Variants in MTG2 observed in about 807,000 individuals in gnomAD.
MTG2 encodes mitochondrial ribosome associated GTPase 2.
A neutral mutation model predicts 28.6 loss-of-function variants in MTG2; 23 were observed. The ratio of observed to expected loss-of-function variants is 0.80; its 90% CI spans 0.58 to 1.14. The LOEUF is 1.14. Ranked by LOEUF, MTG2 falls within the 50% of genes most tolerant of loss-of-function variation. The probability of loss-of-function intolerance (pLI) is 0.00; values close to 1 mark genes in which losing one functional copy is unlikely to be tolerated. For synonymous variants in MTG2, 260 were observed against 251.8 expected, an observed-to-expected ratio of 1.03 and a Z score of -0.31; for missense variants, 539 against 552.0, an observed-to-expected ratio of 0.98 and a Z score of 0.24.
chr20:62,190,376 A>C (rs2057933499), intron 1 of MTG2, among the ~76,000 whole-genome samples: 1 of 152,234 alleles, frequency 6.6e-6, no homozygotes, highest in Admixed American at 6.5e-5. Context: ...CCTAAGAGGA[A>C]AACAATAGTA....
chr20:62,197,564 G>GC (rs1400999547), intron 3 of MTG2: 4 of 333,846 alleles, frequency 1.2e-5, no homozygotes, highest in African/African-American at 8.6e-5. Context: ...TTCACACTCA[G>GC]CATAGACGCA....
Position 62,199,270 on chromosome 20 carries a change from G to A in MTG2, c.826+13G>A, listed in dbSNP as rs758963381. On this transcript the variant is annotated intron_variant, in intron 6 of 6. Transcript: ENST00000370823. ...CTACAAATAGCAGGTAGAACTTCCA[G>A]AATTCTCCCAAAGGTTAGATTTAAA... is the stretch of plus-strand genomic sequence containing the variant. 3 of 1,607,146 alleles carry A rather than the reference G, an allele frequency of 1.9e-6. No individual in the cohort carries two copies. Among genetic ancestry groups the A allele is most frequent in the African/African-American group, 2.7e-5 (2 of 74,770 alleles).
At chr20:62,185,435 A>C (rs1325186650) in intron 1 of MTG2, among the ~76,000 whole-genome samples, 1 of 151,198 alleles carries the variant, frequency 6.6e-6, no homozygotes, top group African/African-American at 2.4e-5. Flanking sequence ...TAAAAAATAA[A>C]AAATAAAATA....
chr20:62,195,977 G>A, intron 3 of MTG2, 28 bp downstream of exon 3: 1 of 1,612,246 alleles, frequency 6.2e-7, no homozygotes, highest in Non-Finnish European at 8.5e-7. Context: ...GTGCAGCGGG[G>A]TTGAGGAGGG....
chr20:62,192,012 C>G (rs2057970153), intron 1 of MTG2, among the ~76,000 whole-genome samples: 1 of 152,242 alleles, frequency 6.6e-6, no homozygotes, highest in African/African-American at 2.4e-5. Context: ...TCCACCCACA[C>G]TACACATCAG....
rs868114977 is a variant in MTG2, at chr20:62,186,532, T to G, written c.-6+3475T>G. 1.6e-3 allele frequency among the ~76,000 whole-genome samples: 148 copies of G among 94,242 alleles called. 2 individuals carry two copies. The South Asian group carries it at 0.037, about 24-fold the overall frequency. The allele number at this position is 94,242 out of a possible 152,430, so 61.8% of individuals were successfully genotyped here. ...TTCCCTGGGACTTTTTTTTTTGTTTTTTTTTTTTTTTTTTGAGATGGAGTC... is the reference window on the plus strand; with the variant it reads ...TTCCCTGGGACTTTTTTTTTTGTTTGTTTTTTTTTTTTTTGAGATGGAGTC... On this transcript the variant is annotated intron_variant, in intron 1 of 6. Coordinates refer to ENST00000370823, the MANE Select transcript of MTG2 (RefSeq NM_015666.4).
intron 1 of MTG2, among the ~76,000 whole-genome samples, chr20:62,186,528 G>GTT (rs56818308): frequency 0.11 from 14,220 of 126,276 alleles, 1,240 homozygotes; most frequent in South Asian, 0.2. Flanking sequence ...TTTTTTTTTT[G>GTT]TTTTTTTTTT....
chr20:62,186,172 G>A (rs1327162688), intron 1 of MTG2, among the ~76,000 whole-genome samples: 3 of 152,120 alleles, frequency 2.0e-5, no homozygotes, highest in Non-Finnish European at 4.4e-5. Context: ...CCACCCCTGA[G>A]CCTTCCCATC....
rs551664242 is a variant in MTG2, at chr20:62,193,216, ACAGATAGGCTGACGGGT to A, written c.-5-195_-5-179del. 1.3e-3 allele frequency among the ~76,000 whole-genome samples: 205 copies of A among 152,288 alleles called. 1 individual carries two copies. Among genetic ancestry groups the A allele is most frequent in the African/African-American group, 4.6e-3 (193 of 41,570 alleles). ...TGTACAGAAATCCTGCTCCCAAGTC[ACAGATAGGCTGACGGGT>A]CAGAGGGCAAGACGTGACCCAGGGC... On this transcript the variant is annotated intron_variant, in intron 1 of 6. Transcript: ENST00000370823.
rs369038642 is a variant in MTG2 at position 62,198,870 on chromosome 20, C to T, written c.687+18C>T. The stretch of plus-strand genomic sequence containing the variant: ...CCGGAATGGTAGGTGTCCCCACTGC[C>T]AACAGCATCTGCACACACTCAGCTC... On this transcript the variant is annotated intron_variant, in intron 5 of 6. Coordinates refer to ENST00000370823, the MANE Select transcript of MTG2 (RefSeq NM_015666.4). The T allele has an allele frequency of 1.1e-5, 17 of 1,613,262 alleles. No individual in the cohort carries two copies. In the African/African-American group the frequency reaches 2.3e-4, roughly 22 times the overall value.
intron 1 of MTG2, among the ~76,000 whole-genome samples, chr20:62,190,610 G>A (rs1185075623): frequency 6.6e-6 from 1 of 152,164 alleles, no homozygotes; most frequent in Admixed American, 6.5e-5. Flanking sequence ...CCTCTTTTCT[G>A]ACAACACTTA....
rs750059879 is a variant in MTG2, at chr20:62,198,728, G to C, written c.563G>C (p.Gly188Ala). 1 of 1,614,154 alleles carries C rather than the reference G, an allele frequency of 6.2e-7. No individual in the cohort carries two copies. Among genetic ancestry groups the C allele is most frequent in the Non-Finnish European group, 8.5e-7 (1 of 1,180,044 alleles). ...DEYIAALGGA[G>A]GKGNRFFLAN... ...TACATTGCCGCGCTGGGCGGGGCAG[G>C]AGGGAAAGGCAACCGCTTCTTCCTG... is the stretch of plus-strand genomic sequence containing the variant. Residue 188 changes from glycine to alanine, a missense_variant, in exon 5 of 7, where the codon GGA becomes GCA. Physicochemically the swap from Gly to Ala is moderately conservative, Grantham distance 60. Transcript: ENST00000370823.
intron 1 of MTG2, among the ~76,000 whole-genome samples, chr20:62,183,352 C>T (rs1379819993): frequency 1.3e-5 from 2 of 152,220 alleles, no homozygotes; most frequent in Non-Finnish European, 2.9e-5. Context: ...GTCAGCCACC[C>T]CGGTGGTGCT....
chr20:62,194,669 G>A (rs577167533), intron 2 of MTG2, among the ~76,000 whole-genome samples: 1 of 152,258 alleles, frequency 6.6e-6, no homozygotes, highest in East Asian at 1.9e-4. Context: ...AACTGCATTT[G>A]AGGAGTATTG....
At chr20:62,184,451 G>A (rs965095161) in intron 1 of MTG2, among the ~76,000 whole-genome samples, 3 of 152,242 alleles carry the variant, frequency 2.0e-5, no homozygotes, top group Non-Finnish European at 4.4e-5. Flanking sequence ...GCAGAGTGCA[G>A]GTTAATGACA....
chr20:62,187,592 A>G (rs544155575), intron 1 of MTG2, among the ~76,000 whole-genome samples: 3 of 152,298 alleles, frequency 2.0e-5, no homozygotes, highest in African/African-American at 7.2e-5. Context: ...TGTCCATTTC[A>G]TGTAAGTTGA....
At chr20:62,184,260 A>T (rs2057792324) in intron 1 of MTG2, among the ~76,000 whole-genome samples, 1 of 152,138 alleles carries the variant, frequency 6.6e-6, no homozygotes, top group South Asian at 2.1e-4. Context: ...GGGGAGGCTG[A>T]GGCAGGAGAA....
At chr20:62,185,439 T>A (rs8183515) in intron 1 of MTG2, among the ~76,000 whole-genome samples, 21,876 of 107,220 alleles carry the variant, frequency 0.2, 1,676 homozygotes, top group South Asian at 0.27. Context: ...AAATAAAAAA[T>A]AAAATATATA....
Position 62,195,779 on chromosome 20 carries a change from TG to T in MTG2, c.205-20del, listed in dbSNP as rs1469498517. ...AGGACCTTGGAGTGTTGAGATGACG[TG>T]GGATATTTGTGTTCTCTGTAGAAAA... On this transcript the variant is annotated intron_variant, in intron 2 of 6. Coordinates refer to ENST00000370823, the MANE Select transcript of MTG2 (RefSeq NM_015666.4). 4 of 1,613,602 alleles carry T rather than the reference TG, an allele frequency of 2.5e-6. No homozygotes were observed. In the Admixed American group the frequency reaches 5.0e-5, roughly 20 times the overall value.
Sources: gnomAD v4.1 joint callset for allele counts (sites outside exome capture counted in the v4.1 genomes callset) on GRCh38, gnomAD v4.1.1 for gene constraint, MANE v1.5 for transcripts, NCBI Gene and HGNC (gene_info 2026-07-23, HGNC 2026-07-21) for gene names.